The following DIS3L2 variants were observed in gnomAD, a reference collection of about 807,000 sequenced individuals.
DIS3L2 encodes DIS3 like 3'-5' exoribonuclease 2.
In DIS3L2, 34 loss-of-function variants were observed where a neutral mutation model predicts 97.5. The observed-to-expected ratio is 0.35, with a 90% confidence interval of 0.27 to 0.46. DIS3L2 has a LOEUF of 0.46. Among genes scored for constraint, DIS3L2 ranks in the 20% least tolerant of loss-of-function variants. The pLI is 1.00. For missense variants in DIS3L2, 1,038 were observed against 1,146.0 expected, an observed-to-expected ratio of 0.91 and a Z score of 1.36; for synonymous variants, 435 against 445.2, an observed-to-expected ratio of 0.98 and a Z score of 0.29.
At chr2:232,298,464 G>A (rs1275046422) in intron 13 of DIS3L2, among the ~76,000 whole-genome samples, 1 of 152,176 alleles carries the variant, frequency 6.6e-6, no homozygotes, top group East Asian at 1.9e-4. Flanking sequence ...ACAAAGGAGA[G>A]GGCTGGGAAG....
At chr2:232,305,436 G>A (rs557751120) in intron 14 of DIS3L2, among the ~76,000 whole-genome samples, 4 of 152,186 alleles carry the variant, frequency 2.6e-5, no homozygotes, top group Middle Eastern at 3.4e-3. Flanking sequence ...TTGAAAATCC[G>A]CCTATTACTA....
At chr2:232,234,729 C>A (rs968389682) in intron 10 of DIS3L2, among the ~76,000 whole-genome samples, 1 of 152,228 alleles carries the variant, frequency 6.6e-6, no homozygotes, top group Non-Finnish European at 1.5e-5. Flanking sequence ...TGCAGTTCAG[C>A]TTACTGCCAT....
chr2:232,133,493 A>G (rs1325858850), intron 7 of DIS3L2, among the ~76,000 whole-genome samples: 1 of 152,216 alleles, frequency 6.6e-6, no homozygotes, highest in Non-Finnish European at 1.5e-5. Flanking sequence ...GGTCCAGGAT[A>G]CAATTGGAAA....
At chr2:232,320,571 T>C (rs1695404187) in intron 14 of DIS3L2, among the ~76,000 whole-genome samples, 1 of 152,190 alleles carries the variant, frequency 6.6e-6, no homozygotes, top group Non-Finnish European at 1.5e-5. Context: ...CTTGGGTTTC[T>C]TCTGCCAAGT....
At chr2:232,034,353 CTCTTT>C (rs1694894533) in intron 5 of DIS3L2, among the ~76,000 whole-genome samples, 1 of 152,040 alleles carries the variant, frequency 6.6e-6, no homozygotes, top group African/African-American at 2.4e-5. Context: ...TGATTCTTCT[CTCTTT>C]TCTTCTTCAT....
chr2:232,149,138 G>C (rs1197525365), intron 8 of DIS3L2, among the ~76,000 whole-genome samples: 1 of 149,418 alleles, frequency 6.7e-6, no homozygotes, highest in Non-Finnish European at 1.5e-5. Flanking sequence ...GCTTAAAAAA[G>C]ATACCCTGCA....
At chr2:232,330,335 G>T (rs1370555039) in intron 15 of DIS3L2, among the ~76,000 whole-genome samples, 1 of 152,226 alleles carries the variant, frequency 6.6e-6, no homozygotes, top group East Asian at 1.9e-4. Flanking sequence ...TTCCTGGTGG[G>T]TACTTTCAGG....
At chr2:232,229,344 T>A (rs1298273185) in intron 10 of DIS3L2, among the ~76,000 whole-genome samples, 4 of 152,192 alleles carry the variant, frequency 2.6e-5, no homozygotes, top group Non-Finnish European at 5.9e-5. Flanking sequence ...TACTTTGACC[T>A]GCTCACTTTG....
At chr2:232,086,170 T>C (rs1696578708) in intron 5 of DIS3L2, among the ~76,000 whole-genome samples, 1 of 151,906 alleles carries the variant, frequency 6.6e-6, no homozygotes, top group African/African-American at 2.4e-5. Context: ...GCTTTATACG[T>C]ATATACGTAT....
rs746574719 is a variant in DIS3L2, at chr2:232,334,414, A to G, written c.2204A>G (p.Gln735Arg). ...ATGGCGCCCGATACCCTGCAGAAAC[A>G]GGCGGACCACTGTAACGACCGCCGC... ...LDMAPDTLQK[Q>R]ADHCNDRRMA... is the part of the protein sequence containing the mutation. The change falls in exon 18 of 21, where the codon CAG becomes CGG. Residue 735 changes from glutamine (Q) to arginine (R), a missense_variant. Physicochemically the swap from Gln to Arg is conservative, Grantham distance 43. Around this residue, in one of 3 missense-constraint regions of DIS3L2, gnomAD observed 221 missense variants for 246.9 expected, o/e 0.90. Coordinates refer to ENST00000325385, the MANE Select transcript of DIS3L2 (RefSeq NM_152383.5). The G allele has an allele frequency of 1.2e-6, 2 of 1,613,738 alleles. No individual in the cohort carries two copies. Among genetic ancestry groups the G allele is most frequent in the Non-Finnish European group, 8.5e-7 (1 of 1,179,986 alleles).
At chr2:232,017,273 AT>A (rs1694381660) in intron 3 of DIS3L2, among the ~76,000 whole-genome samples, 1 of 151,942 alleles carries the variant, frequency 6.6e-6, no homozygotes, top group Admixed American at 6.6e-5. Flanking sequence ...TAATTTTTGT[AT>A]TTTTAGTAGA....
intron 14 of DIS3L2, among the ~76,000 whole-genome samples, chr2:232,326,771 G>A (rs540761833): frequency 1.5e-4 from 23 of 148,972 alleles, no homozygotes; most frequent in Admixed American, 8.0e-4. Flanking sequence ...AGGCTGAGAC[G>A]GCAAGGGAAG....
chr2:232,175,255 C>T (rs73102529), intron 9 of DIS3L2, among the ~76,000 whole-genome samples: 5,327 of 152,082 alleles, frequency 0.035, 136 homozygotes, highest in African/African-American at 0.058. Context: ...TGGATTTTGT[C>T]AAATGGTTTT....
At chr2:232,016,441 C>G (rs1694355203) in intron 3 of DIS3L2, among the ~76,000 whole-genome samples, 1 of 151,886 alleles carries the variant, frequency 6.6e-6, no homozygotes, top group Non-Finnish European at 1.5e-5. Flanking sequence ...AAAAGGGTGA[C>G]CAGGGTATAT....
intron 13 of DIS3L2, chr2:232,343,267 C>T (rs1125045): frequency 2.4e-6 from 3 of 1,260,568 alleles, no homozygotes; most frequent in African/African-American, 3.0e-5. Context: ...TGAGTAGGCT[C>T]ACCTTTCACT....
At chr2:232,029,527 T>G (rs867893519) in intron 4 of DIS3L2, among the ~76,000 whole-genome samples, 3 of 151,998 alleles carry the variant, frequency 2.0e-5, no homozygotes, top group South Asian at 2.1e-4. Context: ...TGGTCCTAAG[T>G]CAGCAAGGTC....
chr2:232,034,488 G>C (rs899849463), intron 5 of DIS3L2, among the ~76,000 whole-genome samples: 2 of 152,082 alleles, frequency 1.3e-5, no homozygotes, highest in African/African-American at 4.8e-5. Context: ...TCCGATCTTA[G>C]TTATTTCTTG....
chr2:232,140,278 T>C (rs1424905434), intron 8 of DIS3L2, among the ~76,000 whole-genome samples: 1 of 152,198 alleles, frequency 6.6e-6, no homozygotes, highest in Non-Finnish European at 1.5e-5. Flanking sequence ...CTTCTATTAG[T>C]ACTATTATTA....
At chr2:232,331,119 A>C (rs1695724435) in intron 16 of DIS3L2, among the ~76,000 whole-genome samples, 1 of 152,156 alleles carries the variant, frequency 6.6e-6, no homozygotes, top group South Asian at 2.1e-4. Context: ...CCCAGGGAAC[A>C]CTCCGCAGCC....
Sources: gnomAD v4.1 joint callset for allele counts (sites outside exome capture counted in the v4.1 genomes callset) on GRCh38, gnomAD v4.1.1 for gene constraint, gnomAD v4.1.1 regional missense constraint, MANE v1.5 for transcripts, NCBI Gene and HGNC (gene_info 2026-07-23, HGNC 2026-07-21) for gene names.